U2AF2: variants seen among roughly 807,000 people sequenced by gnomAD.
U2AF2 encodes splicing factor U2AF 65 kDa subunit.
In U2AF2, 6 loss-of-function variants were observed where a neutral mutation model predicts 52.6. That is an observed-to-expected ratio of 0.11 (90% CI 0.06 to 0.23). The LOEUF is 0.23. U2AF2 is among the 10% of genes least tolerant of loss of function. The pLI, the probability that U2AF2 is intolerant of heterozygous loss-of-function variation, is 1.00. For missense variants in U2AF2, 222 were observed against 677.1 expected, an observed-to-expected ratio of 0.33 and a Z score of 7.46; for synonymous variants, 284 against 258.2, an observed-to-expected ratio of 1.10 and a Z score of -0.96.
At position 55,674,191 on chromosome 19, in the gene U2AF2, C is replaced by T; in HGVS notation, c.*123C>T. ...ACAGCCGCAGACACACGACAGCCGGCAGCAACTGGAATGGCAGCAATTAAG... is the reference window on the plus strand; with the variant it reads ...ACAGCCGCAGACACACGACAGCCGGTAGCAACTGGAATGGCAGCAATTAAG... On this transcript the variant is annotated 3_prime_UTR_variant, in exon 12 of 12. Transcript: ENST00000308924. 1.4e-6 allele frequency: 1 copy of T among 734,274 alleles called. No homozygotes were observed. Among genetic ancestry groups the T allele is most frequent in the Non-Finnish European group, 1.8e-6 (1 of 554,702 alleles). 45.5% of individuals were successfully genotyped at this position (734,274 alleles called of 1,614,324 possible).
chr19:55,666,305 G>GTGTGATGCTTT (rs1984546174), intron 7 of U2AF2, among the ~76,000 whole-genome samples: 1 of 152,228 alleles, frequency 6.6e-6, no homozygotes, highest in Non-Finnish European at 1.5e-5. Flanking sequence ...TCTGCTCCAG[G>GTGTGATGCTTT]TGTGATGCTT....
At chr19:55,669,253 T>C in intron 10 of U2AF2, 72 bp downstream of exon 10, 1 of 1,577,716 alleles carries the variant, frequency 6.3e-7, no homozygotes, top group Non-Finnish European at 8.6e-7. Context: ...CAAGTGTTCC[T>C]GATCTTTCTC....
intron 5 of U2AF2, chr19:55,661,455 C>T (rs75821387): frequency 3.8e-4 from 162 of 430,812 alleles, no homozygotes; most frequent in East Asian, 3.0e-3. Context: ...AATGTACCCA[C>T]GTGTTGTACC....
intron 11 of U2AF2, chr19:55,670,535 TGCACCCTGCTGTCC>T (rs1443790957): frequency 8.5e-6 from 2 of 235,192 alleles, no homozygotes; most frequent in Admixed American, 1.3e-4. Flanking sequence ...CTGCTGTCCC[TGCACCCTGCTGTCC>T]GTGCAGCTGT....
chr19:55,664,892 AT>A (rs1433667691), intron 7 of U2AF2, among the ~76,000 whole-genome samples: 1 of 151,804 alleles, frequency 6.6e-6, no homozygotes, highest in African/African-American at 2.4e-5. Flanking sequence ...TAATTTTTGT[AT>A]TTTTAGTAGA....
chr19:55,663,830 T>G, intron 7 of U2AF2, 86 bp downstream of exon 7: 1 of 1,570,736 alleles, frequency 6.4e-7, no homozygotes, highest in South Asian at 1.2e-5. Flanking sequence ...CTGGAGTGGC[T>G]TAGGAAGTTG....
At chr19:55,672,689 C>T (rs1278919507) in intron 11 of U2AF2, among the ~76,000 whole-genome samples, 3 of 151,746 alleles carry the variant, frequency 2.0e-5, no homozygotes, top group Non-Finnish European at 2.9e-5. Flanking sequence ...AGCGAAATTC[C>T]TTAGTGCCTA....
At chr19:55,659,995 C>T (rs1984061901) in intron 2 of U2AF2, among the ~76,000 whole-genome samples, 182 bp from the exon 3 acceptor site, 2 of 152,034 alleles carry the variant, frequency 1.3e-5, no homozygotes, top group African/African-American at 2.4e-5. Flanking sequence ...TCCTCACTTC[C>T]TCTTTCCTGG....
At chr19:55,672,849 T>C (rs368185780) in intron 11 of U2AF2, among the ~76,000 whole-genome samples, 1 of 152,128 alleles carries the variant, frequency 6.6e-6, no homozygotes, top group East Asian at 1.9e-4. Context: ...TTCACCGTGT[T>C]AGCCAGGATG....
intron 5 of U2AF2, chr19:55,662,188 C>T (rs1274212970): frequency 2.3e-5 from 6 of 265,676 alleles, no homozygotes; most frequent in Non-Finnish European, 4.3e-5. Flanking sequence ...ATCATGCCCT[C>T]TGCCTTTTCT....
intron 1 of U2AF2, 151 bp from the exon 2 acceptor site, chr19:55,659,059 A>T: frequency 8.0e-6 from 10 of 1,256,524 alleles, no homozygotes; most frequent in Non-Finnish European, 1.0e-5. Flanking sequence ...TTGTGGACCC[A>T]GGAGGCCTGT....
At position 55,659,403 on chromosome 19, in the gene U2AF2, C is replaced by T. The variant is rs895188044; in HGVS notation, c.185+58C>T. 1.1e-4 allele frequency: 151 copies of T among 1,426,066 alleles called. No individual in the cohort carries two copies. The African/African-American group carries it at 1.7e-3, about 16-fold the overall frequency. 88.3% of individuals were successfully genotyped at this position (1,426,066 alleles called of 1,614,324 possible). On this transcript the variant is annotated intron_variant, in intron 2 of 11. Transcript: ENST00000308924. The stretch of plus-strand genomic sequence containing the variant: ...TGGGAGTCGGGGGGTCGGTGTTGGC[C>T]GGCCTGTGGGTGGCCTGTGTGTGTC...
chr19:55,664,660 A>G (rs936856109), intron 7 of U2AF2, among the ~76,000 whole-genome samples: 2 of 152,186 alleles, frequency 1.3e-5, no homozygotes, highest in African/African-American at 4.8e-5. Flanking sequence ...AGACGGAGGC[A>G]CATCTGTGTC....
chr19:55,673,851 C>A, intron 11 of U2AF2, 83 bp from the exon 12 acceptor site: 1 of 1,524,862 alleles, frequency 6.6e-7, no homozygotes, highest in South Asian at 1.3e-5. Context: ...TCCCTTCCTG[C>A]CTTCAGTGCT....
Position 55,660,517 on chromosome 19 carries a change from C to A in U2AF2, c.232C>A (p.Arg78Ser). The change falls in exon 4 of 12, where the codon CGT becomes AGT. Residue 78 changes from arginine (R) to serine (S), a missense_variant and splice_region_variant. Physicochemically the swap from Arg to Ser is moderately radical, Grantham distance 110. Around this residue, in one of 4 missense-constraint regions of U2AF2, gnomAD observed 100 missense variants for 144.1 expected, o/e 0.69. Transcript: ENST00000308924. ...GAKEEHGGLI[R>S]SPRHEKKKKV... ...GCTCTCCCCTCCCACCTCCCCCAGTCGTTCCCCCCGCCACGAGAAGAAGAA... is the reference window on the plus strand; with the variant it reads ...GCTCTCCCCTCCCACCTCCCCCAGTAGTTCCCCCCGCCACGAGAAGAAGAA... 1.0e-6 allele frequency: 1 copy of A among 968,836 alleles called. No homozygotes were observed. The highest frequency in any genetic ancestry group is 1.5e-5 in the South Asian group (1 of 67,654). The allele number at this position is 968,836 out of a possible 1,614,324, so 60.0% of individuals were successfully genotyped here.
At chr19:55,663,930 A>G (rs1984379476) in intron 7 of U2AF2, 186 bp downstream of exon 7, 1 of 815,676 alleles carries the variant, frequency 1.2e-6, no homozygotes, top group Non-Finnish European at 1.9e-6. Flanking sequence ...GAAGGTGCCT[A>G]GGGCCGGGAG....
intron 7 of U2AF2, among the ~76,000 whole-genome samples, chr19:55,666,300 T>C (rs1454060359): frequency 1.3e-5 from 2 of 152,216 alleles, no homozygotes; most frequent in Non-Finnish European, 2.9e-5. Context: ...CAGCCTCTGC[T>C]CCAGGTGTGA....
At chr19:55,660,311 C>T in intron 3 of U2AF2, 90 bp downstream of exon 3, 2 of 1,463,366 alleles carry the variant, frequency 1.4e-6, no homozygotes, top group Admixed American at 2.0e-5. Context: ...ATTTCCAGCC[C>T]TGGCCCAAGC....
rs1600081796 is a variant in U2AF2 at position 55,668,368 on chromosome 19, T to G, written c.743-139T>G. On this transcript the variant is annotated intron_variant, in intron 7 of 11. Coordinates refer to ENST00000308924, the MANE Select transcript of U2AF2 (RefSeq NM_007279.3). The surrounding 1 kb of genome is among the most constrained non-coding windows in gnomAD (Gnocchi z 5.5). ...CTGGTCAGATAAGGCTGGGGTGGGG[T>G]GGGCACGTGGCGACCCCTCCCTCGT... 2.7e-6 allele frequency: 2 copies of G among 746,064 alleles called. No homozygotes were observed. The highest frequency in any genetic ancestry group is 2.2e-5 in the South Asian group (1 of 45,388). The allele number at this position is 746,064 out of a possible 1,614,324, so 46.2% of individuals were successfully genotyped here.
Sources: allele counts gnomAD v4.1 joint callset (sites outside exome capture counted in the v4.1 genomes callset), GRCh38; gene constraint gnomAD v4.1.1; regional missense constraint gnomAD v4.1.1; non-coding constraint Gnocchi (gnomAD v3.1); transcripts MANE v1.5; gene names NCBI Gene and HGNC (gene_info 2026-07-23, HGNC 2026-07-21).